GRIK1: variants seen among roughly 807,000 people sequenced by gnomAD.
GRIK1 encodes glutamate receptor ionotropic, kainate 1.
A neutral mutation model predicts 105.7 loss-of-function variants in GRIK1; 69 were observed. The ratio of observed to expected loss-of-function variants is 0.65; its 90% confidence interval spans 0.54 to 0.80. The LOEUF is 0.80. Ranked by LOEUF, GRIK1 falls within the 30% of genes least tolerant of loss-of-function variation. The pLI is 0.00. For synonymous variants in GRIK1, 438 were observed against 431.3 expected (o/e 1.02, Z -0.19); for missense variants, 1,109 against 1,167.3 (o/e 0.95, Z 0.73).
chr21:29,619,694 A>G (rs2061942877), intron 7 of GRIK1, among the ~76,000 whole-genome samples: 2 of 152,220 alleles, frequency 1.3e-5, no homozygotes, highest in Admixed American at 1.3e-4. Context: ...ATATTCAATG[A>G]TCATACTGTA....
rs1462268293 is a variant in GRIK1, at chr21:29,767,863, CATGTGT to C, written c.119-73806_119-73801del. Reference sequence around the variant, plus strand: ...GTGTGTGTTCTCCTCAGCTGAAATTCATGTGTGTGTGTGTGTGTGTGTGTGTGTGTG... The same window carrying C: ...GTGTGTGTTCTCCTCAGCTGAAATTCGTGTGTGTGTGTGTGTGTGTGTGTG... On this transcript the variant is annotated intron_variant, in intron 1 of 17. Transcript: ENST00000327783. Among the ~76,000 whole-genome samples the C allele has an allele frequency of 8.6e-3, 787 of 91,672 alleles. 10 individuals carry two copies. Among genetic ancestry groups the C allele is most frequent in the African/African-American group, 0.029 (764 of 26,306 alleles). The allele number at this position is 91,672 out of a possible 152,430, so 60.1% of individuals were successfully genotyped here. A position where few individuals can be genotyped will look rare whatever the true frequency, so the allele number is the denominator to read the frequency against.
intron 1 of GRIK1, among the ~76,000 whole-genome samples, chr21:29,704,441 T>G (rs1030928484): frequency 6.6e-6 from 1 of 152,206 alleles, no homozygotes; most frequent in Non-Finnish European, 1.5e-5. Context: ...GAATTTATTT[T>G]GGTGTAAAAT....
At chr21:29,817,400 C>T (rs1394812376) in intron 1 of GRIK1, among the ~76,000 whole-genome samples, 1 of 152,116 alleles carries the variant, frequency 6.6e-6, no homozygotes, top group Non-Finnish European at 1.5e-5. Flanking sequence ...ATTTCATGAT[C>T]ATTACTTAAT....
At chr21:29,899,004 T>C (rs2070286384) in intron 1 of GRIK1, among the ~76,000 whole-genome samples, 1 of 152,136 alleles carries the variant, frequency 6.6e-6, no homozygotes, top group Admixed American at 6.6e-5. Context: ...CATCTACTTA[T>C]ATAATCTAAT....
intron 6 of GRIK1, among the ~76,000 whole-genome samples, chr21:29,647,417 T>C (rs1472743831): frequency 6.6e-6 from 1 of 152,216 alleles, no homozygotes; most frequent in African/African-American, 2.4e-5. Flanking sequence ...AGCTGCCTGT[T>C]TTCTTTCATC....
chr21:29,780,166 G>A (rs542734031), intron 1 of GRIK1, among the ~76,000 whole-genome samples: 1 of 152,302 alleles, frequency 6.6e-6, no homozygotes, highest in East Asian at 1.9e-4. Context: ...TTGGATGCCA[G>A]CTAGTATCTA....
intron 7 of GRIK1, among the ~76,000 whole-genome samples, chr21:29,631,016 C>T (rs960987114): frequency 1.3e-5 from 2 of 152,000 alleles, no homozygotes; most frequent in Non-Finnish European, 2.9e-5. Context: ...CCATGTTGCT[C>T]AGGCTGGTCT....
At chr21:29,760,937 G>A (rs887914586) in intron 1 of GRIK1, among the ~76,000 whole-genome samples, 9 of 152,214 alleles carry the variant, frequency 5.9e-5, no homozygotes, top group Non-Finnish European at 1.3e-4. Flanking sequence ...AAAGGATTAT[G>A]TTTGGGGACT....
chr21:29,689,408 A>G (rs2063542775), intron 3 of GRIK1, among the ~76,000 whole-genome samples: 1 of 152,210 alleles, frequency 6.6e-6, no homozygotes, highest in Non-Finnish European at 1.5e-5. Context: ...TTGTGGTCAT[A>G]GTCTTATTAG....
chr21:29,789,063 C>A (rs923279211), intron 1 of GRIK1, among the ~76,000 whole-genome samples: 6 of 152,224 alleles, frequency 3.9e-5, no homozygotes, highest in Admixed American at 3.3e-4. Flanking sequence ...ACTGGAAAGC[C>A]ATTGGAAGTG....
chr21:29,582,325 G>T (rs1320361674), intron 12 of GRIK1: 7 of 469,634 alleles, frequency 1.5e-5, no homozygotes, highest in South Asian at 7.8e-5. Context: ...CATGGCCTGT[G>T]GTCACTTAAT....
chr21:29,900,485 G>T (rs915931756), intron 1 of GRIK1, among the ~76,000 whole-genome samples: 11 of 118,600 alleles, frequency 9.3e-5, no homozygotes, highest in Admixed American at 8.3e-4. Context: ...AAAAAGCAAG[G>T]GTTGCAATCC....
chr21:29,817,435 A>G (rs1601772631), intron 1 of GRIK1, among the ~76,000 whole-genome samples: 1 of 152,124 alleles, frequency 6.6e-6, no homozygotes, highest in East Asian at 1.9e-4. Context: ...AGTATGTATA[A>G]TGCATTATTG....
At position 29,591,180 on chromosome 21, in the gene GRIK1, T is replaced by C; in HGVS notation, c.1297A>G (p.Asn433Asp). ...GTGATATTGCTGGACTTGTCTTTGT[T>C]GCTGTCCGTCATGTTAAGCCCACTG... ...SNSGLNMTDS[N>D]KDKSSNITDS... Residue 433 changes from asparagine (N) to aspartate (D), a missense_variant, in exon 10 of 18, where the codon AAC becomes GAC. By Grantham distance (23) the Asn-to-Asp change is conservative. Coordinates refer to ENST00000327783, the MANE Select transcript of GRIK1 (RefSeq NM_001330994.2). 1 of 1,611,876 alleles carries C rather than the reference T, an allele frequency of 6.2e-7. No homozygotes were observed.
chr21:29,903,635 G>A (rs778164210), intron 1 of GRIK1, among the ~76,000 whole-genome samples: 9 of 152,170 alleles, frequency 5.9e-5, no homozygotes, highest in Non-Finnish European at 2.9e-5. Context: ...GGAAACAACA[G>A]ATGCTGGAGA....
chr21:29,797,282 C>T lies in GRIK1; in HGVS notation c.119-103219G>A, dbSNP rs538725931. 4.6e-5 allele frequency among the ~76,000 whole-genome samples: 7 copies of T among 152,302 alleles called. No homozygotes were observed. The South Asian group carries it at 1.5e-3, about 32-fold the overall frequency. ...GGGAGGAAGGTCTGAGGAAGCCACGCAGAAAGCATCAGTGGCCAGAGAATA... is the reference window on the plus strand; with the variant it reads ...GGGAGGAAGGTCTGAGGAAGCCACGTAGAAAGCATCAGTGGCCAGAGAATA... On this transcript the variant is annotated intron_variant, in intron 1 of 17. Transcript: ENST00000327783.
Position 29,689,698 on chromosome 21 carries a change from G to A in GRIK1, c.544+30C>T, listed in dbSNP as rs201867055. 2.9e-5 allele frequency: 47 copies of A among 1,604,930 alleles called. 1 individual carries two copies. The Admixed American group carries it at 5.8e-4, about 20-fold the overall frequency. On this transcript the variant is annotated intron_variant, in intron 3 of 17. Coordinates refer to ENST00000327783, the MANE Select transcript of GRIK1 (RefSeq NM_001330994.2). ...GTTCTGTTTGTTCAGAGCAGACATG[G>A]TCGGGTGAGGTCTTGTGTGAGTCCC...
chr21:29,616,150 T>A (rs2061846011), intron 7 of GRIK1, among the ~76,000 whole-genome samples: 3 of 152,174 alleles, frequency 2.0e-5, no homozygotes, highest in African/African-American at 7.2e-5. Context: ...TGTTCTCTAG[T>A]GAATCAGTTA....
chr21:29,885,470 G>T (rs2069584748), intron 1 of GRIK1, among the ~76,000 whole-genome samples: 1 of 152,082 alleles, frequency 6.6e-6, no homozygotes, highest in African/African-American at 2.4e-5. Context: ...ATATAGAATT[G>T]GTGGGAGTGA....
Sources: gnomAD v4.1 joint callset for allele counts (sites outside exome capture counted in the v4.1 genomes callset) on GRCh38, gnomAD v4.1.1 for gene constraint, MANE v1.5 for transcripts, NCBI Gene and HGNC (gene_info 2026-07-23, HGNC 2026-07-21) for gene names.